Variants in RAP1A observed in about 807,000 individuals in gnomAD.
RAP1A encodes ras-related protein Rap-1A.
RAP1A carries 6 observed loss-of-function variants against 26.4 expected under a neutral mutation model. The ratio of observed to expected loss-of-function variants is 0.23; its 90% CI spans 0.12 to 0.45. The LOEUF is 0.45. Among genes scored for constraint, RAP1A ranks in the 20% least tolerant of loss-of-function variants. The pLI, the probability that RAP1A is intolerant of heterozygous loss-of-function variation, is 0.99. For missense variants in RAP1A, 121 were observed against 217.2 expected, an observed-to-expected ratio of 0.56 and a Z score of 2.78; for synonymous variants, 73 against 79.4, an observed-to-expected ratio of 0.92 and a Z score of 0.43.
At chr1:111,619,705 A>T (rs1659104047), upstream of RAP1A, 4 of 392,604 alleles carry the variant, frequency 1.0e-5, no homozygotes, top group Non-Finnish European at 1.8e-5. Context: ...GCCGAAGCCC[A>T]GCCATCGCCA....
rs1659431809 is a variant in RAP1A at position 111,627,357 on chromosome 1, T to A, written c.-28+7423T>A. 7 of 152,176 alleles carry A rather than the reference T, an allele frequency of 4.6e-5. No individual in the cohort carries two copies. In the South Asian group the frequency reaches 1.4e-3, roughly 32 times the overall value. 9.4% of individuals were successfully genotyped at this position (152,176 alleles called of 1,614,324 possible). A position where few individuals can be genotyped will look rare whatever the true frequency, so the allele number is the denominator to read the frequency against. ...CTGAATGGGATGTTGGTCTCCTAGT[T>A]TGAGACTTTAAAGTTGATTCTTTAT... is the stretch of plus-strand genomic sequence containing the variant. On this transcript the variant is annotated intron_variant, in intron 1 of 7. Transcript: ENST00000369709.
intron 1 of RAP1A, among the ~76,000 whole-genome samples, chr1:111,577,168 C>T (rs924212258): frequency 2.0e-5 from 3 of 151,732 alleles, no homozygotes; most frequent in Admixed American, 6.6e-5. Context: ...TTTGGGAGGT[C>T]GAGGCAGGCG....
At chr1:111,551,822 T>C (rs1657273724) in intron 1 of RAP1A, among the ~76,000 whole-genome samples, 1 of 152,006 alleles carries the variant, frequency 6.6e-6, no homozygotes, top group South Asian at 2.1e-4. Context: ...GGGGCATGCC[T>C]TCAGCACTCA....
chr1:111,708,665 C>T (rs1454547960), intron 6 of RAP1A, among the ~76,000 whole-genome samples: 2 of 152,246 alleles, frequency 1.3e-5, no homozygotes, highest in South Asian at 2.1e-4. Context: ...ATAACTATAA[C>T]GTGTTTATGT....
chr1:111,681,934 G>T (rs1032031832), intron 1 of RAP1A, among the ~76,000 whole-genome samples: 7 of 152,124 alleles, frequency 4.6e-5, no homozygotes, highest in Admixed American at 2.6e-4. Flanking sequence ...AAACGTTAAG[G>T]CCAGCCATAG....
Position 111,697,487 on chromosome 1 carries a change from C to T in RAP1A, c.173C>T (p.Thr58Ile), listed in dbSNP as rs1258238698. The change falls in exon 4 of 8, where the codon ACT becomes ATT. Residue 58 changes from threonine to isoleucine, a missense_variant. By Grantham distance (89) the Thr-to-Ile change is moderately conservative (BLOSUM62 -1). Coordinates refer to ENST00000369709, the MANE Select transcript of RAP1A (RefSeq NM_002884.4). ...CAGTGTATGCTCGAAATCCTGGATA[C>T]TGCAGGGACAGTAAGGATGTTTTCT... Reference protein sequence around the residue: ...CQQCMLEILDTAGTEQFTAMR... With the variant: ...CQQCMLEILDIAGTEQFTAMR... 1 of 1,611,524 alleles carries T rather than the reference C, an allele frequency of 6.2e-7. No homozygotes were observed. Among genetic ancestry groups the T allele is most frequent in the Admixed American group, 1.7e-5 (1 of 59,800 alleles).
Position 111,646,430 on chromosome 1 carries a change from A to AAAC in RAP1A, c.-28+26498_-28+26499insCAA, listed in dbSNP as rs1553218811. Among the ~76,000 whole-genome samples the AAAC allele has an allele frequency of 3.7e-5, 5 of 135,398 alleles. 1 individual carries two copies. Among genetic ancestry groups the AAAC allele is most frequent in the South Asian group, 4.3e-4 (2 of 4,660 alleles). 88.8% of individuals were successfully genotyped at this position (135,398 alleles called of 152,430 possible). On this transcript the variant is annotated intron_variant, in intron 1 of 7. Coordinates refer to ENST00000369709, the MANE Select transcript of RAP1A (RefSeq NM_002884.4). ...CAGTTTTCCTTTTTGTAAAAAAAAA[A>AAAC]AAAACAAAACAAAACCTCAATTCCC...
At chr1:111,628,876 T>G (rs1659480197) in intron 1 of RAP1A, among the ~76,000 whole-genome samples, 1 of 152,156 alleles carries the variant, frequency 6.6e-6, no homozygotes, top group African/African-American at 2.4e-5. Flanking sequence ...GGATAAAACA[T>G]TCCAAGATTC....
intron 1 of RAP1A, among the ~76,000 whole-genome samples, chr1:111,545,886 TC>T (rs144324137): frequency 1.4e-3 from 213 of 152,228 alleles, no homozygotes; most frequent in African/African-American, 4.8e-3. Flanking sequence ...CTGTCCTTTC[TC>T]CCCGGAACAG....
At chr1:111,596,468 C>T (rs1658566376) in intron 1 of RAP1A, among the ~76,000 whole-genome samples, 1 of 152,210 alleles carries the variant, frequency 6.6e-6, no homozygotes, top group Non-Finnish European at 1.5e-5. Context: ...AGTCTGTTTT[C>T]CCACTAGACT....
chr1:111,696,880 T>G (rs998322223), intron 3 of RAP1A, among the ~76,000 whole-genome samples: 1 of 151,802 alleles, frequency 6.6e-6, no homozygotes, highest in Non-Finnish European at 1.5e-5. Context: ...CTTGAGGCAC[T>G]GTTTTAGCTC....
chr1:111,584,916 C>A (rs1307436789), intron 1 of RAP1A, among the ~76,000 whole-genome samples: 1 of 152,186 alleles, frequency 6.6e-6, no homozygotes, highest in East Asian at 1.9e-4. Flanking sequence ...CAAGAGTCTG[C>A]AGCTTTCCAC....
chr1:111,568,932 A>T (rs1334712953), intron 1 of RAP1A, among the ~76,000 whole-genome samples: 1 of 152,158 alleles, frequency 6.6e-6, no homozygotes, highest in Non-Finnish European at 1.5e-5. Context: ...CTTCCTTATG[A>T]TTTTTAATAA....
At chr1:111,555,256 T>C (rs978038657) in intron 1 of RAP1A, among the ~76,000 whole-genome samples, 1 of 150,048 alleles carries the variant, frequency 6.7e-6, no homozygotes, top group Admixed American at 6.7e-5. Context: ...GTCTCAGCTA[T>C]TCAGGAGACT....
chr1:111,676,691 T>A (rs1280372580), intron 1 of RAP1A, among the ~76,000 whole-genome samples: 1 of 152,044 alleles, frequency 6.6e-6, no homozygotes, highest in Non-Finnish European at 1.5e-5. Flanking sequence ...CCAAAAAGTA[T>A]CCTCATGCTC....
intron 7 of RAP1A, among the ~76,000 whole-genome samples, chr1:111,711,581 T>C (rs1662386821): frequency 6.6e-6 from 1 of 152,218 alleles, no homozygotes; most frequent in Admixed American, 6.5e-5. Context: ...TCTGTGGATG[T>C]TTGATAATAC....
At chr1:111,699,082 C>T (rs1661931498) in intron 4 of RAP1A, among the ~76,000 whole-genome samples, 1 of 152,102 alleles carries the variant, frequency 6.6e-6, no homozygotes, top group African/African-American at 2.4e-5. Context: ...TAGCACTCAA[C>T]ACGCTGTGTT....
intron 1 of RAP1A, among the ~76,000 whole-genome samples, chr1:111,605,059 C>T (rs1658743866): frequency 6.6e-6 from 1 of 152,132 alleles, no homozygotes; most frequent in Admixed American, 6.5e-5. Flanking sequence ...AAGTGGTTTC[C>T]AAGATTCAGG....
chr1:111,642,207 T>C (rs1659912614), intron 1 of RAP1A, among the ~76,000 whole-genome samples: 1 of 152,074 alleles, frequency 6.6e-6, no homozygotes, highest in Non-Finnish European at 1.5e-5. Flanking sequence ...ATCAAGCCAT[T>C]GCACTCCAGC....
Sources: gnomAD v4.1 joint callset for allele counts (sites outside exome capture counted in the v4.1 genomes callset) on GRCh38, gnomAD v4.1.1 for gene constraint, MANE v1.5 for transcripts, NCBI Gene and HGNC (gene_info 2026-07-23, HGNC 2026-07-21) for gene names.